Variants in HHAT observed in about 807,000 individuals in gnomAD.
The protein encoded by HHAT is hedgehog acyltransferase.
HHAT carries 47 observed loss-of-function variants against 70.8 expected under a neutral mutation model. The ratio of observed to expected loss-of-function variants is 0.66; its 90% CI spans 0.53 to 0.85. The LOEUF (loss-of-function observed/expected upper bound fraction) is 0.85. Among genes scored for constraint, HHAT ranks in the 40% least tolerant of loss-of-function variants. The probability of loss-of-function intolerance (pLI) is 0.00; values close to 1 mark genes in which losing one functional copy is unlikely to be tolerated. For synonymous variants in HHAT, 228 were observed against 247.6 expected, an observed-to-expected ratio of 0.92 and a Z score of 0.74; for missense variants, 609 against 604.8, an observed-to-expected ratio of 1.01 and a Z score of -0.07.
At chr1:210,670,342 C>T (rs777740182) in intron 11 of HHAT, among the ~76,000 whole-genome samples, 10 of 152,142 alleles carry the variant, frequency 6.6e-5, no homozygotes, top group Admixed American at 1.3e-4. Context: ...CAGGGCCAGG[C>T]ATATAGCAAG....
intron 6 of HHAT, among the ~76,000 whole-genome samples, chr1:210,408,828 C>T (rs565285307): frequency 6.6e-6 from 1 of 152,300 alleles, no homozygotes; most frequent in African/African-American, 2.4e-5. Context: ...ATAAAATATA[C>T]TAGGTGATCA....
chr1:210,346,081 A>G (rs2086497156), intron 1 of HHAT, among the ~76,000 whole-genome samples: 1 of 152,066 alleles, frequency 6.6e-6, no homozygotes, highest in Non-Finnish European at 1.5e-5. Flanking sequence ...AAAAAAAAAA[A>G]AAAAGCAGCA....
chr1:210,430,771 T>C (rs531484113), intron 7 of HHAT, among the ~76,000 whole-genome samples: 1 of 151,960 alleles, frequency 6.6e-6, no homozygotes, highest in South Asian at 2.1e-4. Context: ...ACTGATTTGA[T>C]ATTTGGTTAA....
At chr1:210,524,619 A>G (rs556398612) in intron 9 of HHAT, among the ~76,000 whole-genome samples, 1 of 152,314 alleles carries the variant, frequency 6.6e-6, no homozygotes, top group East Asian at 1.9e-4. Flanking sequence ...TGAATGTGAT[A>G]GGAGCACTTG....
At chr1:210,496,837 C>T (rs377280635) in intron 8 of HHAT, among the ~76,000 whole-genome samples, 72 of 152,166 alleles carry the variant, frequency 4.7e-4, no homozygotes, top group African/African-American at 1.6e-3. Flanking sequence ...ACTGTTTGTC[C>T]TTAACTGAAT....
At chr1:210,463,833 AT>A (rs1393614002) in intron 7 of HHAT, among the ~76,000 whole-genome samples, 1 of 152,210 alleles carries the variant, frequency 6.6e-6, no homozygotes, top group African/African-American at 2.4e-5. Context: ...TGACTTTTCG[AT>A]TCTAGTTATC....
At chr1:210,466,743 T>C (rs1193314881) in intron 8 of HHAT, among the ~76,000 whole-genome samples, 1 of 149,664 alleles carries the variant, frequency 6.7e-6, no homozygotes, top group African/African-American at 2.5e-5. Context: ...ATATTCAAAA[T>C]GATTGTCTTG....
chr1:210,412,962 G>T (rs1228694117), intron 6 of HHAT, among the ~76,000 whole-genome samples: 1 of 152,240 alleles, frequency 6.6e-6, no homozygotes. Context: ...GGCAGCCAAG[G>T]AGTGTGGTGA....
rs1470283883 is a variant in HHAT at position 210,404,613 on chromosome 1, C to T, written c.618C>T (p.Ala206=). Residue 206 remains alanine, a synonymous_variant, in exon 6 of 12, where the codon GCC becomes GCT. Transcript: ENST00000261458. ...STSYSFPWML[A]YVFYYPVLHN... ...CCTACTCCTTTCCCTGGATGCTGGC[C>T]TATGTCTTTTATTATCCAGTCTTAC... 2.5e-6 allele frequency: 4 copies of T among 1,614,160 alleles called. No individual in the cohort carries two copies. The highest frequency in any genetic ancestry group is 3.3e-5 in the Admixed American group (2 of 60,034).
intron 9 of HHAT, among the ~76,000 whole-genome samples, chr1:210,518,338 T>A (rs1042706912): frequency 6.6e-6 from 1 of 152,182 alleles, no homozygotes; most frequent in Non-Finnish European, 1.5e-5. Flanking sequence ...TCATGTGGTA[T>A]TTGTCTTAGT....
At chr1:210,524,848 A>G (rs2095221900) in intron 9 of HHAT, among the ~76,000 whole-genome samples, 2 of 152,074 alleles carry the variant, frequency 1.3e-5, no homozygotes, top group Non-Finnish European at 2.9e-5. Flanking sequence ...TTGAGCAACA[A>G]TAGACCTAAA....
At chr1:210,547,149 G>T (rs532825990) in intron 9 of HHAT, among the ~76,000 whole-genome samples, 1 of 152,282 alleles carries the variant, frequency 6.6e-6, no homozygotes, top group African/African-American at 2.4e-5. Flanking sequence ...GACCAACATG[G>T]TGGAACCCCG....
chr1:210,671,619 G>A (rs1680100344), intron 11 of HHAT, among the ~76,000 whole-genome samples: 1 of 152,204 alleles, frequency 6.6e-6, no homozygotes, highest in Non-Finnish European at 1.5e-5. Context: ...AAGGCTCTGT[G>A]AAAATGGAGG....
intron 7 of HHAT, among the ~76,000 whole-genome samples, chr1:210,457,031 C>T (rs1398191866): frequency 6.6e-6 from 1 of 152,168 alleles, no homozygotes; most frequent in Non-Finnish European, 1.5e-5. Flanking sequence ...GCTGATCCAT[C>T]TCCTCCTGAC....
chr1:210,446,667 T>G (rs1558532447), intron 7 of HHAT, among the ~76,000 whole-genome samples: 4 of 152,186 alleles, frequency 2.6e-5, no homozygotes, highest in Admixed American at 2.0e-4. Flanking sequence ...GCAAGCATGG[T>G]GCCACCGCAG....
intron 11 of HHAT, among the ~76,000 whole-genome samples, chr1:210,663,696 A>G (rs1678284485): frequency 6.6e-6 from 1 of 152,112 alleles, no homozygotes; most frequent in Non-Finnish European, 1.5e-5. Flanking sequence ...TAGTTCCCAA[A>G]GTGTGGTTCT....
intron 9 of HHAT, among the ~76,000 whole-genome samples, chr1:210,569,115 T>C (rs1356997179): frequency 6.6e-6 from 1 of 152,086 alleles, no homozygotes; most frequent in African/African-American, 2.4e-5. Flanking sequence ...GGCTCATGCC[T>C]GTAATCCCAT....
In HHAT at chr1:210,348,136, T is replaced by C. The variant is rs1411448938; in HGVS notation, c.-43-797T>C. Among the ~76,000 whole-genome samples the C allele has an allele frequency of 2.6e-5, 4 of 152,136 alleles. No homozygotes were observed. The East Asian group carries it at 7.7e-4, about 29-fold the overall frequency. ...GGCTTGTGCCTATAAACCCAGCTAC[T>C]CAGGAGGCTGAGGTGGGAGGATCAC... On this transcript the variant is annotated intron_variant, in intron 1 of 11. Transcript: ENST00000261458.
chr1:210,382,839 GGGAA>G (rs1471112757), intron 3 of HHAT, among the ~76,000 whole-genome samples: 2 of 152,118 alleles, frequency 1.3e-5, no homozygotes, highest in Admixed American at 6.5e-5. Flanking sequence ...GCAAAGGGGT[GGGAA>G]GGGCAGAAAG....
Sources: allele counts gnomAD v4.1 joint callset (sites outside exome capture counted in the v4.1 genomes callset), GRCh38; gene constraint gnomAD v4.1.1; transcripts MANE v1.5; gene names NCBI Gene and HGNC (gene_info 2026-07-23, HGNC 2026-07-21).